The following SAMMSON variants were observed in gnomAD, a reference collection of about 807,000 sequenced individuals.
The protein encoded by SAMMSON is long intergenic non-protein coding RNA 1212.
intron 6 of SAMMSON, among the ~76,000 whole-genome samples, chr3:70,263,030 T>A (rs1387681889): frequency 6.6e-6 from 1 of 152,230 alleles, no homozygotes; most frequent in Non-Finnish European, 1.5e-5. Flanking sequence ...CTAAAAATTT[T>A]ATTTCATTTA....
chr3:70,083,348 C>T (rs9831070), intron 4 of SAMMSON, among the ~76,000 whole-genome samples: 344 of 152,220 alleles, frequency 2.3e-3, no homozygotes, highest in African/African-American at 8.0e-3. Context: ...ATAGCAACTG[C>T]TTTGGGTCAT....
At chr3:70,270,404 C>T (rs751566590) in intron 6 of SAMMSON, among the ~76,000 whole-genome samples, 7 of 152,142 alleles carry the variant, frequency 4.6e-5, no homozygotes, top group Non-Finnish European at 7.4e-5. Context: ...AAAACACAGA[C>T]CAAACACATA....
At position 70,143,298 on chromosome 3, in the gene SAMMSON, TAA is replaced by T. The variant is rs34950693; in HGVS notation, n.507+71747_507+71748del. Among the ~76,000 whole-genome samples, 1,021 of 141,870 alleles carry T rather than the reference TAA, an allele frequency of 7.2e-3. 14 individuals carry two copies. Among genetic ancestry groups the T allele is most frequent in the African/African-American group, 0.021 (822 of 38,774 alleles). 93.1% of individuals were successfully genotyped at this position (141,870 alleles called of 152,430 possible). On this transcript the variant is annotated intron_variant and non_coding_transcript_variant, in intron 4 of 9. Coordinates refer to ENST00000642114, the Ensembl canonical transcript of SAMMSON. ...GGAGAATCAAAGGCTTGAATTTTAGTAAAAAAAAAAAAAAATACACGAGACTT... is the reference window on the plus strand; with the variant it reads ...GGAGAATCAAAGGCTTGAATTTTAGTAAAAAAAAAAAAATACACGAGACTT...
chr3:70,004,452 G>A (rs959525333), intron 1 of SAMMSON, among the ~76,000 whole-genome samples: 2 of 152,052 alleles, frequency 1.3e-5, no homozygotes, highest in African/African-American at 4.8e-5. Flanking sequence ...TTCTGTAGGT[G>A]CAATAATGAA....
At chr3:70,293,071 A>T (rs898829117) in intron 7 of SAMMSON, among the ~76,000 whole-genome samples, 1 of 145,974 alleles carries the variant, frequency 6.9e-6, no homozygotes, top group Middle Eastern at 3.3e-3. Flanking sequence ...AAAAAAAAAA[A>T]GTAGCATATT....
intron 4 of SAMMSON, among the ~76,000 whole-genome samples, chr3:70,091,647 G>A (rs184631597): frequency 3.3e-5 from 5 of 152,228 alleles, no homozygotes; most frequent in African/African-American, 4.8e-5. Flanking sequence ...GAATGCTGAC[G>A]TATATGGACA....
intron 2 of SAMMSON, among the ~76,000 whole-genome samples, chr3:70,406,647 G>T (rs749383937): frequency 6.6e-6 from 1 of 152,148 alleles, no homozygotes; most frequent in Admixed American, 6.6e-5. Context: ...TTCAATGTAG[G>T]CAATGATCAG....
intron 4 of SAMMSON, among the ~76,000 whole-genome samples, chr3:70,199,962 C>A (rs1701222235): frequency 6.6e-6 from 1 of 152,206 alleles, no homozygotes; most frequent in Admixed American, 6.5e-5. Context: ...TCCTACAAAT[C>A]TGTTCCTCCT....
intron 4 of SAMMSON, among the ~76,000 whole-genome samples, chr3:70,217,642 C>T (rs1243887997): frequency 6.6e-6 from 1 of 152,162 alleles, no homozygotes; most frequent in Non-Finnish European, 1.5e-5. Flanking sequence ...ATATCCACCA[C>T]CTTTCTGTGG....
chr3:70,231,440 T>C (rs1701559399), intron 4 of SAMMSON, among the ~76,000 whole-genome samples: 1 of 152,212 alleles, frequency 6.6e-6, no homozygotes, highest in African/African-American at 2.4e-5. Flanking sequence ...CCTTCCTGAG[T>C]GAAAGCTCTA....
At chr3:70,020,627 T>C (rs539158606) in intron 3 of SAMMSON, among the ~76,000 whole-genome samples, 2 of 152,228 alleles carry the variant, frequency 1.3e-5, no homozygotes, top group East Asian at 3.9e-4. Flanking sequence ...CATCCACACA[T>C]TTCTCTTCGC....
At chr3:70,169,955 G>C (rs1462623460) in intron 4 of SAMMSON, among the ~76,000 whole-genome samples, 2 of 151,864 alleles carry the variant, frequency 1.3e-5, no homozygotes, top group African/African-American at 4.8e-5. Context: ...AAATACCCCA[G>C]AAAGGAGGGG....
chr3:70,070,456 C>G (rs1391981108), intron 3 of SAMMSON: 1 of 151,670 alleles, frequency 6.6e-6, no homozygotes, highest in African/African-American at 2.4e-5. Flanking sequence ...TTTGAACAAT[C>G]TATCATTTTG....
At chr3:70,368,863 A>G (rs1177713726) in intron 9 of SAMMSON, among the ~76,000 whole-genome samples, 1 of 151,512 alleles carries the variant, frequency 6.6e-6, no homozygotes, top group Non-Finnish European at 1.5e-5. Context: ...GCATTTCTGT[A>G]TGAACTTTAG....
chr3:70,207,033 C>CTT lies in SAMMSON; in HGVS notation n.508-42059_508-42058dup, dbSNP rs11317960. ...TGGTAATTTGTAACACTTATTTCTACTTTTTTTTTTTTTTTTGGTAATAAG... is the reference window on the plus strand; with the variant it reads ...TGGTAATTTGTAACACTTATTTCTACTTTTTTTTTTTTTTTTTTGGTAATAAG... On this transcript the variant is annotated intron_variant and non_coding_transcript_variant, in intron 4 of 9. Coordinates refer to ENST00000642114, the Ensembl canonical transcript of SAMMSON. Among the ~76,000 whole-genome samples the CTT allele has an allele frequency of 1.0e-4, 14 of 139,658 alleles. No individual in the cohort carries two copies. The East Asian group carries it at 1.0e-3, about 10-fold the overall frequency. 91.6% of individuals were successfully genotyped at this position (139,658 alleles called of 152,430 possible).
At chr3:70,235,921 A>G (rs2106748483) in intron 4 of SAMMSON, among the ~76,000 whole-genome samples, 1 of 152,322 alleles carries the variant, frequency 6.6e-6, no homozygotes, top group East Asian at 1.9e-4. Context: ...TAAGCTTCCT[A>G]TGGGCAGTCA....
At chr3:70,224,132 G>A (rs1283446048) in intron 4 of SAMMSON, among the ~76,000 whole-genome samples, 1 of 152,078 alleles carries the variant, frequency 6.6e-6, no homozygotes, top group African/African-American at 2.4e-5. Flanking sequence ...CTAACAAGCA[G>A]AGGGAAAATA....
chr3:70,329,113 C>A (rs960474539), intron 7 of SAMMSON, among the ~76,000 whole-genome samples: 2 of 152,050 alleles, frequency 1.3e-5, no homozygotes, highest in Non-Finnish European at 2.9e-5. Flanking sequence ...TAATCATGGT[C>A]ATTCATCATA....
intron 2 of SAMMSON, among the ~76,000 whole-genome samples, chr3:70,430,326 C>G (rs997636694): frequency 1.3e-5 from 2 of 152,050 alleles, no homozygotes; most frequent in Non-Finnish European, 2.9e-5. Context: ...CTGGCTTGAT[C>G]GTGGTGAATA....
Sources: allele counts gnomAD v4.1 joint callset (sites outside exome capture counted in the v4.1 genomes callset), GRCh38; gene constraint gnomAD v4.1.1; transcripts MANE v1.5; gene names NCBI Gene and HGNC (gene_info 2026-07-23, HGNC 2026-07-21).